Variants in ADCY1 observed in about 807,000 individuals in gnomAD.
ADCY1 encodes adenylate cyclase type 1.
ADCY1 carries 28 observed loss-of-function variants against 105.4 expected under a neutral mutation model. The observed-to-expected ratio is 0.27, with a 90% CI of 0.20 to 0.36. The LOEUF is 0.36. ADCY1 is among the 10% of genes least tolerant of loss of function. The probability of loss-of-function intolerance (pLI) is 1.00; values close to 1 mark genes in which losing one functional copy is unlikely to be tolerated. For missense variants in ADCY1, 977 were observed against 1,434.2 expected, an observed-to-expected ratio of 0.68 and a Z score of 5.15; for synonymous variants, 655 against 623.8, an observed-to-expected ratio of 1.05 and a Z score of -0.75.
intron 5 of ADCY1, 81 bp downstream of exon 5, chr7:45,648,878 C>A: frequency 6.5e-7 from 1 of 1,543,584 alleles, no homozygotes. Flanking sequence ...CCTTCTGCCC[C>A]ATGTGGGCTC....
intron 4 of ADCY1, 112 bp from the exon 5 acceptor site, chr7:45,648,558 A>G: frequency 4.2e-6 from 6 of 1,441,218 alleles, no homozygotes; most frequent in Non-Finnish European, 5.7e-6. Context: ...CAGGTGCAGC[A>G]TGTCTTGCCA....
Position 45,703,803 on chromosome 7 carries a change from C to T in ADCY1, c.2718+57C>T, listed in dbSNP as rs1785050100. 1.3e-6 allele frequency: 2 copies of T among 1,524,588 alleles called. No homozygotes were observed. Among genetic ancestry groups the T allele is most frequent in the African/African-American group, 2.8e-5 (2 of 72,300 alleles). The allele number at this position is 1,524,588 out of a possible 1,614,324, so 94.4% of individuals were successfully genotyped here. A position where few individuals can be genotyped will look rare whatever the true frequency, so the allele number is the denominator to read the frequency against. The stretch of plus-strand genomic sequence containing the variant: ...CTGGTTGTGGTGGTGCATCCTGTTG[C>T]GTGGGCAGAGCGTGTCTCACAATAT... On this transcript the variant is annotated intron_variant, in intron 16 of 19. Transcript: ENST00000297323. This position sits in a 1 kb window ranked among gnomAD's most constrained non-coding sequence, Gnocchi z 5.9.
At chr7:45,609,938 A>G (rs2045913436) in intron 2 of ADCY1, among the ~76,000 whole-genome samples, 1 of 152,248 alleles carries the variant, frequency 6.6e-6, no homozygotes, top group South Asian at 2.1e-4. Flanking sequence ...ATGGTCCCGT[A>G]GCCCGCCTAT....
intron 4 of ADCY1, among the ~76,000 whole-genome samples, chr7:45,627,077 C>T (rs1794077181): frequency 6.6e-6 from 1 of 152,210 alleles, no homozygotes; most frequent in African/African-American, 2.4e-5. Flanking sequence ...AGTTTGGCTG[C>T]ACTATGCAAC....
At chr7:45,658,035 C>A in intron 6 of ADCY1, 150 bp downstream of exon 6, 1 of 921,414 alleles carries the variant, frequency 1.1e-6, no homozygotes, top group Non-Finnish European at 1.6e-6. Context: ...CCGCACCTGC[C>A]AACCAGACTC....
At chr7:45,641,215 C>T (rs1228896033) in intron 4 of ADCY1, among the ~76,000 whole-genome samples, 4 of 152,238 alleles carry the variant, frequency 2.6e-5, no homozygotes, top group South Asian at 2.1e-4. Context: ...GGCTTGATTC[C>T]GAGGCCAGGA....
chr7:45,650,551 GC>G (rs2116068244), intron 5 of ADCY1, among the ~76,000 whole-genome samples: 1 of 152,228 alleles, frequency 6.6e-6, no homozygotes, highest in Admixed American at 6.5e-5. Context: ...GGCTGACCTG[GC>G]TGACCAGGTG....
Position 45,610,408 on chromosome 7 carries a change from G to T in ADCY1, c.819G>T (p.Arg273=). ...QERLLMSLLP[R]NVAMEMKEDF... The stretch of plus-strand genomic sequence containing the variant: ...GGCTCCTCATGAGCCTCCTGCCCCG[G>T]AACGTTGCCATGGAGATGAAGGAGG... Residue 273 remains arginine (R), a synonymous_variant, in exon 3 of 20, where the codon CGG becomes CGT. Transcript: ENST00000297323. 6.2e-7 allele frequency: 1 copy of T among 1,613,914 alleles called. No individual in the cohort carries two copies. Among genetic ancestry groups the T allele is most frequent in the Non-Finnish European group, 8.5e-7 (1 of 1,179,970 alleles).
chr7:45,618,792 A>G (rs375267397), intron 3 of ADCY1, among the ~76,000 whole-genome samples: 7 of 152,330 alleles, frequency 4.6e-5, no homozygotes, highest in African/African-American at 1.7e-4. Context: ...GCCATTATGG[A>G]AAATAGAGTG....
intron 2 of ADCY1, among the ~76,000 whole-genome samples, chr7:45,597,390 A>G (rs148346151): frequency 1.3e-5 from 2 of 152,264 alleles, no homozygotes; most frequent in Admixed American, 1.3e-4. Context: ...TTGATAAGTT[A>G]TGTTTTGACA....
At chr7:45,673,838 T>A (rs1784405150) in intron 8 of ADCY1, among the ~76,000 whole-genome samples, 1 of 151,658 alleles carries the variant, frequency 6.6e-6, no homozygotes, top group Non-Finnish European at 1.5e-5. Flanking sequence ...TTTGTTAACA[T>A]GGCAATTAGA....
chr7:45,695,106 G>A (rs942853654), intron 14 of ADCY1, among the ~76,000 whole-genome samples: 1 of 152,236 alleles, frequency 6.6e-6, no homozygotes, highest in African/African-American at 2.4e-5. Context: ...ATGCGGCTTG[G>A]AAACTCTCCC....
At chr7:45,634,838 A>G (rs1357465343) in intron 4 of ADCY1, among the ~76,000 whole-genome samples, 2 of 152,064 alleles carry the variant, frequency 1.3e-5, no homozygotes. Flanking sequence ...ATCCTTATTT[A>G]TTGTTGGCTT....
At chr7:45,644,761 A>G (rs1040885623) in intron 4 of ADCY1, among the ~76,000 whole-genome samples, 1 of 152,226 alleles carries the variant, frequency 6.6e-6, no homozygotes. Context: ...ATTTATACAA[A>G]AGAGTCTAAA....
At chr7:45,623,880 T>C (rs1329590685) in intron 4 of ADCY1, among the ~76,000 whole-genome samples, 1 of 152,102 alleles carries the variant, frequency 6.6e-6, no homozygotes, top group Non-Finnish European at 1.5e-5. Context: ...CACCCGAGTT[T>C]CCTTGGACCC....
chr7:45,638,285 T>C (rs1584292476), intron 4 of ADCY1, among the ~76,000 whole-genome samples: 1 of 152,380 alleles, frequency 6.6e-6, no homozygotes, highest in East Asian at 1.9e-4. Context: ...TCAAAATTTT[T>C]GGATTCTTTT....
intron 1 of ADCY1, among the ~76,000 whole-genome samples, chr7:45,584,203 C>T (rs1035346981): frequency 3.9e-5 from 6 of 152,084 alleles, no homozygotes; most frequent in African/African-American, 1.4e-4. Context: ...CTTGGCCTCC[C>T]AGAGTGCTGG....
intron 1 of ADCY1, among the ~76,000 whole-genome samples, chr7:45,585,535 C>T (rs1196169306): frequency 6.6e-6 from 1 of 151,392 alleles, no homozygotes; most frequent in Non-Finnish European, 1.5e-5. Flanking sequence ...CCTCTGCCTC[C>T]TGGGTTCAAG....
chr7:45,714,270 C>T lies in ADCY1; in HGVS notation c.*275C>T, dbSNP rs1473078320. 4 of 484,904 alleles carry T rather than the reference C, an allele frequency of 8.2e-6. No homozygotes were observed. The highest frequency in any genetic ancestry group is 7.1e-5 in the South Asian group (2 of 28,208). 30.0% of individuals were successfully genotyped at this position (484,904 alleles called of 1,614,324 possible). On this transcript the variant is annotated 3_prime_UTR_variant, in exon 20 of 20. Coordinates refer to ENST00000297323, the MANE Select transcript of ADCY1 (RefSeq NM_021116.4). ...GTCCACTCCATCCTTCCCTCCGTGGCGTAGGGAGCACTGTTTCTTTCCAGC... is the reference window on the plus strand; with the variant it reads ...GTCCACTCCATCCTTCCCTCCGTGGTGTAGGGAGCACTGTTTCTTTCCAGC...
Sources: allele counts gnomAD v4.1 joint callset (sites outside exome capture counted in the v4.1 genomes callset), GRCh38; gene constraint gnomAD v4.1.1; non-coding constraint Gnocchi (gnomAD v3.1); transcripts MANE v1.5; gene names NCBI Gene and HGNC (gene_info 2026-07-23, HGNC 2026-07-21).